Variants in PICALM observed in about 807,000 individuals in gnomAD.
PICALM encodes the protein phosphatidylinositol binding clathrin assembly protein.
A neutral mutation model predicts 80.5 loss-of-function variants in PICALM; 40 were observed. That is an observed-to-expected ratio of 0.50 (90% CI 0.39 to 0.65). The LOEUF is 0.65. Among genes scored for constraint, PICALM ranks in the 30% least tolerant of loss-of-function variants. The pLI is 0.00. For missense variants in PICALM, 676 were observed against 778.9 expected, an observed-to-expected ratio of 0.87 and a Z score of 1.57; for synonymous variants, 288 against 260.3, an observed-to-expected ratio of 1.11 and a Z score of -1.02.
intron 13 of PICALM, among the ~76,000 whole-genome samples, chr11:85,986,365 A>ATT (rs775072780): frequency 0.024 from 1,752 of 73,718 alleles, 352 homozygotes; most frequent in East Asian, 0.038. Flanking sequence ...CCAACTTTTA[A>ATT]TTTTTTTTTT....
At chr11:86,043,819 T>C (rs2096017808) in intron 1 of PICALM, among the ~76,000 whole-genome samples, 1 of 152,134 alleles carries the variant, frequency 6.6e-6, no homozygotes, top group Non-Finnish European at 1.5e-5. Flanking sequence ...ATCCAGAAGA[T>C]TTTTCATCTC....
chr11:85,993,606 T>A (rs1181581510), intron 12 of PICALM, among the ~76,000 whole-genome samples: 2 of 151,984 alleles, frequency 1.3e-5, no homozygotes, highest in East Asian at 3.9e-4. Context: ...ACCCAGCTAA[T>A]TTTTACATTT....
At chr11:85,979,843 T>C (rs993492683) in intron 17 of PICALM, among the ~76,000 whole-genome samples, 4 of 152,172 alleles carry the variant, frequency 2.6e-5, no homozygotes, top group Admixed American at 6.5e-5. Context: ...GGAGAAAGAA[T>C]GCTTCAAACT....
At chr11:86,000,892 T>C in intron 10 of PICALM, 113 bp from the exon 11 acceptor site, 3 of 1,486,140 alleles carry the variant, frequency 2.0e-6, no homozygotes, top group Non-Finnish European at 2.7e-6. Flanking sequence ...TTTTACCTAA[T>C]TCTATGTCAG....
Position 85,957,883 on chromosome 11 carries a change from C to T in PICALM, c.*1163G>A, listed in dbSNP as rs1394097976. 2.2e-5 allele frequency: 5 copies of T among 223,784 alleles called. No homozygotes were observed. The highest frequency in any genetic ancestry group is 4.5e-5 in the Non-Finnish European group (5 of 111,986). 13.9% of individuals were successfully genotyped at this position (223,784 alleles called of 1,614,324 possible). On this transcript the variant is annotated 3_prime_UTR_variant, in exon 20 of 20. Coordinates refer to ENST00000393346, the MANE Select transcript of PICALM (RefSeq NM_007166.4). ...TTAAAGATGTATTTACACAAAGCAC[C>T]GATCAACAGTGCAGTTTAATTCTTC...
intron 12 of PICALM, among the ~76,000 whole-genome samples, chr11:85,991,734 C>A (rs1302711141): frequency 6.6e-6 from 1 of 151,520 alleles, no homozygotes; most frequent in Non-Finnish European, 1.5e-5. Flanking sequence ...GAAATCTTTC[C>A]CATCATTCCA....
intron 1 of PICALM, among the ~76,000 whole-genome samples, chr11:86,064,646 C>T (rs990113584): frequency 2.5e-5 from 3 of 122,422 alleles, no homozygotes; most frequent in African/African-American, 9.1e-5. Context: ...AGACCCACCT[C>T]ATTTTAAAAA....
At chr11:86,052,755 A>C in intron 1 of PICALM, among the ~76,000 whole-genome samples, 1 of 152,206 alleles carries the variant, frequency 6.6e-6, no homozygotes, top group East Asian at 1.9e-4. Flanking sequence ...CCAAAAAGCT[A>C]TATCTAAAGG....
chr11:86,059,957 A>G (rs1288700100), intron 1 of PICALM, among the ~76,000 whole-genome samples: 1 of 152,104 alleles, frequency 6.6e-6, no homozygotes, highest in Non-Finnish European at 1.5e-5. Context: ...TTTAAATATT[A>G]TTGTTAAGAC....
chr11:85,964,807 G>T (rs2093819614), intron 19 of PICALM, among the ~76,000 whole-genome samples: 1 of 152,146 alleles, frequency 6.6e-6, no homozygotes, highest in South Asian at 2.1e-4. Context: ...TCAGCAACTA[G>T]CAGTCAATTA....
chr11:85,996,786 G>C (rs765642872), intron 12 of PICALM, 40 bp downstream of exon 12: 29 of 1,093,890 alleles, frequency 2.7e-5, no homozygotes, highest in Non-Finnish European at 3.8e-5. Flanking sequence ...GAGGAGGAGA[G>C]ATGCATGTAA....
chr11:86,008,117 T>C (rs11820163), intron 7 of PICALM, among the ~76,000 whole-genome samples: 3,095 of 152,300 alleles, frequency 0.02, 112 homozygotes, highest in African/African-American at 0.071. Context: ...CTAATCAGGA[T>C]ATAACTGTCT....
At chr11:85,985,041 T>TA (rs895754123) in intron 13 of PICALM, among the ~76,000 whole-genome samples, 9 of 152,032 alleles carry the variant, frequency 5.9e-5, no homozygotes, top group African/African-American at 2.2e-4. Flanking sequence ...AGTCAGAATA[T>TA]AAAAAACCCA....
At chr11:86,057,903 T>A (rs983403924) in intron 1 of PICALM, among the ~76,000 whole-genome samples, 1 of 152,160 alleles carries the variant, frequency 6.6e-6, no homozygotes, top group Admixed American at 6.5e-5. Context: ...TGGGAGGTCC[T>A]GGAACCAATC....
chr11:86,025,941 T>C (rs1258374543), intron 3 of PICALM, among the ~76,000 whole-genome samples: 2 of 152,162 alleles, frequency 1.3e-5, no homozygotes, highest in Non-Finnish European at 2.9e-5. Flanking sequence ...ACAATCTTAC[T>C]GGGTAGGTAC....
At position 85,976,611 on chromosome 11, in the gene PICALM, G is replaced by A. The variant is rs779819365; in HGVS notation, c.1839+12C>T. On this transcript the variant is annotated intron_variant, in intron 18 of 19. Coordinates refer to ENST00000393346, the MANE Select transcript of PICALM (RefSeq NM_007166.4). ...TATTTTTTCCAAAAGCTGTACCTAG[G>A]AAAATACTTACAATTCCATATCCTA... 7.1e-6 allele frequency: 11 copies of A among 1,541,210 alleles called. No individual in the cohort carries two copies. Among genetic ancestry groups the A allele is most frequent in the Non-Finnish European group, 9.9e-6 (11 of 1,113,856 alleles).
intron 1 of PICALM, among the ~76,000 whole-genome samples, chr11:86,032,964 G>A (rs781687599): frequency 6.6e-6 from 1 of 152,144 alleles, no homozygotes; most frequent in East Asian, 1.9e-4. Context: ...AAGCAGCTAC[G>A]GTGGCCAATA....
At chr11:85,993,294 C>G (rs933279543) in intron 12 of PICALM, among the ~76,000 whole-genome samples, 6 of 152,084 alleles carry the variant, frequency 3.9e-5, no homozygotes, top group Non-Finnish European at 7.4e-5. Context: ...GCCATGTTGT[C>G]CAGGCTGGTC....
chr11:86,057,434 G>A lies in PICALM; in HGVS notation c.130+11217C>T, dbSNP rs1394194713. Among the ~76,000 whole-genome samples, 9 of 152,168 alleles carry A rather than the reference G, an allele frequency of 5.9e-5. No homozygotes were observed. In the South Asian group the frequency reaches 1.9e-3, roughly 31 times the overall value. ...CGCGCCTGTAATCCCAGCTACCCGG[G>A]AGGCTGAGACAGGAGAATCGCTTGA... On this transcript the variant is annotated intron_variant, in intron 1 of 19. Transcript: ENST00000393346.
Sources: allele counts gnomAD v4.1 joint callset (sites outside exome capture counted in the v4.1 genomes callset), GRCh38; gene constraint gnomAD v4.1.1; transcripts MANE v1.5; gene names NCBI Gene and HGNC (gene_info 2026-07-23, HGNC 2026-07-21).